Variants in STX17 observed in about 807,000 individuals in gnomAD.
STX17 encodes syntaxin-17.
A neutral mutation model predicts 35.9 loss-of-function variants in STX17; 29 were observed. The observed-to-expected ratio is 0.81, with a 90% CI of 0.60 to 1.10. The LOEUF is 1.10. STX17 is among the 50% of genes least tolerant of loss of function. STX17 has a pLI of 0.00. For synonymous variants in STX17, 92 were observed against 118.3 expected (o/e 0.78, Z 1.44); for missense variants, 312 against 352.3 (o/e 0.89, Z 0.92).
intron 2 of STX17, among the ~76,000 whole-genome samples, chr9:99,919,637 GAGT>G (rs1209757581): frequency 6.6e-6 from 1 of 152,162 alleles, no homozygotes; most frequent in African/African-American, 2.4e-5. Flanking sequence ...TTTTGGAAAA[GAGT>G]AGAGATGAAT....
intron 7 of STX17, among the ~76,000 whole-genome samples, 160 bp from the exon 8 acceptor site, chr9:99,968,274 T>C (rs1199570346): frequency 6.6e-6 from 1 of 152,204 alleles, no homozygotes; most frequent in African/African-American, 2.4e-5. Context: ...GCAGTACCTG[T>C]GGAATACTTT....
intron 3 of STX17, among the ~76,000 whole-genome samples, chr9:99,943,967 G>A (rs770320870): frequency 7.2e-5 from 11 of 152,004 alleles, no homozygotes; most frequent in Non-Finnish European, 1.2e-4. Flanking sequence ...TGTGTGGCGA[G>A]GAAGAGAGAC....
chr9:99,910,346 A>ATATTATAT (rs1253943205), intron 1 of STX17, among the ~76,000 whole-genome samples: 28 of 152,308 alleles, frequency 1.8e-4, no homozygotes, highest in African/African-American at 6.7e-4. Flanking sequence ...TTTTTCACCA[A>ATATTATAT]TGACATGTCT....
intron 4 of STX17, among the ~76,000 whole-genome samples, chr9:99,958,496 A>G (rs1034203323): frequency 1.3e-5 from 2 of 152,230 alleles, no homozygotes; most frequent in Non-Finnish European, 2.9e-5. Flanking sequence ...CTTTATATAT[A>G]ACCCAGGTAC....
Position 99,915,377 on chromosome 9 carries a change from T to A in STX17, c.123+15T>A. 6.3e-7 allele frequency: 1 copy of A among 1,575,046 alleles called. No homozygotes were observed. The highest frequency in any genetic ancestry group is 2.3e-5 in the East Asian group (1 of 43,278). On this transcript the variant is annotated intron_variant, in intron 2 of 7. Coordinates refer to ENST00000259400, the MANE Select transcript of STX17 (RefSeq NM_017919.3). ...ATATTGAGAAGGTGAGCTGTTTCAT[T>A]TACTACCACAAGAAATAGTTACATA...
rs1480973987 is a variant in STX17, at chr9:99,972,692, T to C, written c.*4019T>C. 6.6e-6 allele frequency among the ~76,000 whole-genome samples: 1 copy of C among 152,156 alleles called. No individual in the cohort carries two copies. Among genetic ancestry groups the C allele is most frequent in the Non-Finnish European group, 1.5e-5 (1 of 68,034 alleles). On this transcript the variant is annotated 3_prime_UTR_variant, in exon 8 of 8. Coordinates refer to ENST00000259400, the MANE Select transcript of STX17 (RefSeq NM_017919.3). ...AAGTTGAGGAAACCTGTAATATAGC[T>C]AGATAATATACAACGTTTGTCTTCC... is the stretch of plus-strand genomic sequence containing the variant.
At chr9:99,964,655 G>GT (rs1270624589) in intron 6 of STX17, among the ~76,000 whole-genome samples, 1 of 152,088 alleles carries the variant, frequency 6.6e-6, no homozygotes, top group Admixed American at 6.6e-5. Flanking sequence ...ATAGATAGAG[G>GT]TTAGGAGGCT....
chr9:99,912,810 C>A (rs1055738604), intron 1 of STX17, among the ~76,000 whole-genome samples: 3 of 152,144 alleles, frequency 2.0e-5, no homozygotes, highest in Admixed American at 6.5e-5. Context: ...TTTGTTCTTT[C>A]ATCCACCCAT....
rs1392117785 is a variant in STX17 at position 99,969,557 on chromosome 9, AAG to A, written c.*886_*887del. The A allele has an allele frequency of 6.6e-6, 1 of 152,336 alleles. No individual in the cohort carries two copies. The highest frequency in any genetic ancestry group is 1.5e-5 in the Non-Finnish European group (1 of 68,034). The allele number at this position is 152,336 out of a possible 1,614,324, so 9.4% of individuals were successfully genotyped here. Reference sequence around the variant, plus strand: ...CCTCTAGGTAAAAAGAAAAGAAAAAAAGAAATTTCGAGATATTTTCAACATTG... The same window carrying A: ...CCTCTAGGTAAAAAGAAAAGAAAAAAAAATTTCGAGATATTTTCAACATTG... On this transcript the variant is annotated 3_prime_UTR_variant, in exon 8 of 8. Transcript: ENST00000259400.
intron 3 of STX17, 31 bp downstream of exon 3, chr9:99,928,874 A>G (rs774596566): frequency 6.3e-7 from 1 of 1,596,500 alleles, no homozygotes; most frequent in Non-Finnish European, 8.6e-7. Context: ...CTGCTAAATC[A>G]GTATGAAAAA....
At chr9:99,948,284 T>C (rs1163181179) in intron 3 of STX17, among the ~76,000 whole-genome samples, 5 of 152,124 alleles carry the variant, frequency 3.3e-5, no homozygotes, top group Non-Finnish European at 7.4e-5. Context: ...TAAAAGATTT[T>C]AAGTTTTATA....
intron 4 of STX17, among the ~76,000 whole-genome samples, chr9:99,955,550 TTTTC>T (rs1287426620): frequency 6.6e-6 from 1 of 152,070 alleles, no homozygotes; most frequent in Non-Finnish European, 1.5e-5. Context: ...TAATAAAACT[TTTTC>T]TTATGTGGTA....
chr9:99,924,345 G>A (rs886818304), intron 2 of STX17, among the ~76,000 whole-genome samples: 5 of 152,094 alleles, frequency 3.3e-5, no homozygotes, highest in Admixed American at 1.3e-4. Context: ...TGTGTCCCAC[G>A]TGGGCCATGG....
chr9:99,918,883 G>C (rs957628723), intron 2 of STX17, among the ~76,000 whole-genome samples: 12 of 152,178 alleles, frequency 7.9e-5, no homozygotes, highest in African/African-American at 2.7e-4. Context: ...TGTGGCAGGG[G>C]TTGGGTGAGG....
intron 2 of STX17, among the ~76,000 whole-genome samples, chr9:99,926,767 G>C (rs1828994577): frequency 6.6e-6 from 1 of 152,166 alleles, no homozygotes; most frequent in African/African-American, 2.4e-5. Context: ...CAAAGTGCTG[G>C]GATTACAGGC....
rs1286658414 is a variant in STX17, at chr9:99,970,047, A to G, written c.*1374A>G. On this transcript the variant is annotated 3_prime_UTR_variant, in exon 8 of 8. Transcript: ENST00000259400. ...CTCCCCTCTGTACCCCAACTCATTT[A>G]AAATAGGAGGAATCACTTTTTGCCT... is the stretch of plus-strand genomic sequence containing the variant. 6.6e-6 allele frequency: 1 copy of G among 152,500 alleles called. No individual in the cohort carries two copies. The highest frequency in any genetic ancestry group is 1.9e-4 in the East Asian group (1 of 5,192). The allele number at this position is 152,500 out of a possible 1,614,324, so 9.4% of individuals were successfully genotyped here. A position where few individuals can be genotyped will look rare whatever the true frequency, so the allele number is the denominator to read the frequency against.
In STX17 at chr9:99,948,869, G is replaced by A. The variant is rs190691813; in HGVS notation, c.190-2191G>A. On this transcript the variant is annotated intron_variant, in intron 3 of 7. Coordinates refer to ENST00000259400, the MANE Select transcript of STX17 (RefSeq NM_017919.3). ...ATGTACAAATTACATAAGTGAGGAAGGTGTCACAAACAAATGCTCATTAAG... is the reference window on the plus strand; with the variant it reads ...ATGTACAAATTACATAAGTGAGGAAAGTGTCACAAACAAATGCTCATTAAG... 5.1e-3 allele frequency among the ~76,000 whole-genome samples: 770 copies of A among 152,174 alleles called. 6 individuals are homozygous for A. The highest frequency in any genetic ancestry group is 0.017 in the African/African-American group (701 of 41,530).
intron 3 of STX17, among the ~76,000 whole-genome samples, chr9:99,935,378 C>G (rs1047424571): frequency 1.3e-3 from 194 of 150,544 alleles, no homozygotes; most frequent in African/African-American, 4.6e-3. Context: ...TTACAGTTTA[C>G]TATCTGTACA....
At chr9:99,960,591 G>A (rs111855822) in intron 6 of STX17, among the ~76,000 whole-genome samples, 3 of 152,168 alleles carry the variant, frequency 2.0e-5, no homozygotes, top group South Asian at 2.1e-4. Context: ...TTACAGGCAC[G>A]TGCCACCATG....
Sources: allele counts gnomAD v4.1 joint callset (sites outside exome capture counted in the v4.1 genomes callset), GRCh38; gene constraint gnomAD v4.1.1; transcripts MANE v1.5; gene names NCBI Gene and HGNC (gene_info 2026-07-23, HGNC 2026-07-21).